The following GABPB1 variants were observed in gnomAD, a reference collection of about 807,000 sequenced individuals.
GABPB1 encodes GA-binding protein subunit beta-1.
GABPB1 carries 15 observed loss-of-function variants against 45.9 expected under a neutral mutation model. The observed-to-expected ratio is 0.33, with a 90% CI of 0.22 to 0.50. GABPB1 has a LOEUF of 0.50. Among genes scored for constraint, GABPB1 ranks in the 20% least tolerant of loss-of-function variants. GABPB1 has a pLI of 0.98. For synonymous variants in GABPB1, 143 were observed against 154.4 expected (o/e 0.93, Z 0.55); for missense variants, 252 against 457.5 (o/e 0.55, Z 4.10).
intron 7 of GABPB1, among the ~76,000 whole-genome samples, chr15:50,286,395 C>T (rs1265230678): frequency 6.6e-6 from 1 of 151,658 alleles, no homozygotes; most frequent in African/African-American, 2.4e-5. Context: ...ATTAAAGTAC[C>T]TACAAATATT....
chr15:50,306,490 G>A (rs1361470895), intron 2 of GABPB1, among the ~76,000 whole-genome samples: 1 of 152,050 alleles, frequency 6.6e-6, no homozygotes, highest in East Asian at 1.9e-4. Context: ...AGCTGGGTGT[G>A]AGGGTGGGCG....
At chr15:50,326,731 C>T (rs553703981) in intron 1 of GABPB1, among the ~76,000 whole-genome samples, 174 of 151,712 alleles carry the variant, frequency 1.1e-3, no homozygotes, top group Admixed American at 3.2e-3. Flanking sequence ...CTACTCAGGA[C>T]GCTGAGGTGG....
At chr15:50,280,646 T>C (rs1465970220) in intron 8 of GABPB1, among the ~76,000 whole-genome samples, 1 of 151,826 alleles carries the variant, frequency 6.6e-6, no homozygotes, top group Non-Finnish European at 1.5e-5. Flanking sequence ...CTTGGGAAGC[T>C]GAGGCAGGAG....
chr15:50,354,513 C>G, intron 1 of GABPB1: 1 of 449,474 alleles, frequency 2.2e-6, no homozygotes, highest in South Asian at 1.6e-5. Flanking sequence ...GTCAGGCTGC[C>G]GAGACAAAGG....
At chr15:50,312,145 G>C (rs1326411203) in intron 1 of GABPB1, among the ~76,000 whole-genome samples, 2 of 151,796 alleles carry the variant, frequency 1.3e-5, no homozygotes, top group Non-Finnish European at 2.9e-5. Flanking sequence ...AGGTGTTCGA[G>C]ACCAGCCCGG....
chr15:50,323,715 A>T (rs1009440564), intron 1 of GABPB1, among the ~76,000 whole-genome samples: 1 of 152,010 alleles, frequency 6.6e-6, no homozygotes, highest in Non-Finnish European at 1.5e-5. Context: ...TAAAATAAAA[A>T]ATTAGCTGTA....
chr15:50,330,903 G>A (rs937199228), intron 1 of GABPB1, among the ~76,000 whole-genome samples: 2 of 152,180 alleles, frequency 1.3e-5, no homozygotes, highest in Non-Finnish European at 2.9e-5. Flanking sequence ...GTGATAAACG[G>A]TATGAAGAAA....
intron 1 of GABPB1, among the ~76,000 whole-genome samples, chr15:50,322,765 G>A (rs898467526): frequency 1.2e-4 from 18 of 152,192 alleles, no homozygotes; most frequent in Middle Eastern, 3.4e-3. Flanking sequence ...GGTGGCTCAT[G>A]CCTGTAATTC....
intron 7 of GABPB1, among the ~76,000 whole-genome samples, chr15:50,289,230 C>T (rs1488338944): frequency 6.6e-6 from 1 of 152,064 alleles, no homozygotes; most frequent in Non-Finnish European, 1.5e-5. Flanking sequence ...TCTCTTTCCA[C>T]CAGTATATAC....
rs1472198078 is a variant in GABPB1 at position 50,278,595 on chromosome 15, T to G, written c.*37A>C. On this transcript the variant is annotated 3_prime_UTR_variant, in exon 9 of 9. Coordinates refer to ENST00000380877, the MANE Select transcript of GABPB1 (RefSeq NM_016654.5). Reference sequence around the variant, plus strand: ...TACAGTTCAAGATTGTATTCTTTCTTGACCAAAAGTAAAATCAAACTACAT... The same window carrying G: ...TACAGTTCAAGATTGTATTCTTTCTGGACCAAAAGTAAAATCAAACTACAT... The G allele has an allele frequency of 4.4e-6, 7 of 1,590,258 alleles. No individual in the cohort carries two copies. Among genetic ancestry groups the G allele is most frequent in the Non-Finnish European group, 6.0e-6 (7 of 1,164,148 alleles).
chr15:50,340,756 C>CACTAT (rs2048329282), intron 1 of GABPB1, among the ~76,000 whole-genome samples: 2 of 150,880 alleles, frequency 1.3e-5, no homozygotes. Context: ...TGTTTGTTGG[C>CACTAT]CACTATGTTT....
intron 6 of GABPB1, among the ~76,000 whole-genome samples, chr15:50,296,321 A>C (rs1287927317): frequency 6.6e-6 from 1 of 152,222 alleles, no homozygotes; most frequent in Non-Finnish European, 1.5e-5. Context: ...AGGTCAAAAA[A>C]GTAGCAGAAC....
chr15:50,336,262 G>A (rs1239601787), intron 1 of GABPB1, among the ~76,000 whole-genome samples: 1 of 149,058 alleles, frequency 6.7e-6, no homozygotes, highest in Non-Finnish European at 1.5e-5. Flanking sequence ...CTGAGGCAGG[G>A]AGAACTGCTT....
At chr15:50,343,155 T>A (rs1482547184) in intron 1 of GABPB1, among the ~76,000 whole-genome samples, 2 of 152,174 alleles carry the variant, frequency 1.3e-5, no homozygotes, top group Non-Finnish European at 2.9e-5. Flanking sequence ...CGCCTCGGCC[T>A]CCCAAAGTGC....
chr15:50,285,779 T>A, intron 8 of GABPB1: 1 of 1,172,218 alleles, frequency 8.5e-7, no homozygotes, highest in Non-Finnish European at 1.1e-6. Flanking sequence ...GTAAGAATGG[T>A]GTGTGTAAGT....
chr15:50,289,375 T>A, intron 7 of GABPB1, 108 bp downstream of exon 7: 1 of 712,064 alleles, frequency 1.4e-6, no homozygotes, highest in Non-Finnish European at 2.2e-6. Flanking sequence ...CACAATTTCC[T>A]GAGAATTAAA....
intron 1 of GABPB1, chr15:50,346,316 T>C (rs867118472): frequency 6.6e-6 from 1 of 152,170 alleles, no homozygotes; most frequent in African/African-American, 2.4e-5. Flanking sequence ...GAGGGGCCTA[T>C]TTGGAATTGT....
intron 1 of GABPB1, among the ~76,000 whole-genome samples, chr15:50,317,143 C>T (rs938498091): frequency 6.6e-6 from 1 of 152,022 alleles, no homozygotes; most frequent in African/African-American, 2.4e-5. Flanking sequence ...TGCCTGTAAT[C>T]CCAGCACTTT....
chr15:50,336,693 C>T (rs368679097), intron 1 of GABPB1, among the ~76,000 whole-genome samples: 1 of 151,708 alleles, frequency 6.6e-6, no homozygotes, highest in East Asian at 1.9e-4. Context: ...AAAAGCAAAA[C>T]TCACAAACTG....
Sources: allele counts gnomAD v4.1 joint callset (sites outside exome capture counted in the v4.1 genomes callset), GRCh38; gene constraint gnomAD v4.1.1; transcripts MANE v1.5; gene names NCBI Gene and HGNC (gene_info 2026-07-23, HGNC 2026-07-21).